LRMDA: variants seen among roughly 807,000 people sequenced by gnomAD.
LRMDA encodes leucine-rich melanocyte differentiation-associated protein.
In LRMDA, 18 loss-of-function variants were observed where a neutral mutation model predicts 29.8. The ratio of observed to expected loss-of-function variants is 0.60; its 90% confidence interval spans 0.42 to 0.90. The LOEUF (loss-of-function observed/expected upper bound fraction) is 0.90, where lower values mean the gene tolerates loss of function less well. LRMDA is among the 40% of genes least tolerant of loss of function. LRMDA has a pLI of 0.00. For missense variants in LRMDA, 273 were observed against 273.9 expected (o/e 1.00, Z 0.02); for synonymous variants, 125 against 109.4 (o/e 1.14, Z -0.89).
At chr10:76,184,817 G>C (rs1851119264) in intron 5 of LRMDA, among the ~76,000 whole-genome samples, 1 of 152,172 alleles carries the variant, frequency 6.6e-6, no homozygotes, top group Admixed American at 6.5e-5. Flanking sequence ...CTTCATGATG[G>C]ATGGTGCTTA....
chr10:75,948,545 A>G (rs1846517791), intron 2 of LRMDA, among the ~76,000 whole-genome samples: 1 of 152,200 alleles, frequency 6.6e-6, no homozygotes, highest in South Asian at 2.1e-4. Context: ...TGTTACGTCC[A>G]TCAGGAAACA....
intron 2 of LRMDA, among the ~76,000 whole-genome samples, chr10:75,819,113 G>A (rs1484643008): frequency 6.6e-6 from 1 of 152,144 alleles, no homozygotes; most frequent in African/African-American, 2.4e-5. Flanking sequence ...ATGTCTTGAT[G>A]GCTTTTTATT....
At chr10:75,498,454 G>A (rs1320745621) in intron 2 of LRMDA, among the ~76,000 whole-genome samples, 1 of 152,182 alleles carries the variant, frequency 6.6e-6, no homozygotes. Context: ...CGACGTGTGT[G>A]TGTGCACGAG....
At chr10:76,481,034 C>T (rs781050498) in intron 6 of LRMDA, among the ~76,000 whole-genome samples, 2 of 151,836 alleles carry the variant, frequency 1.3e-5, no homozygotes, top group Non-Finnish European at 2.9e-5. Context: ...AATTCAGAAG[C>T]ACTTATTTGT....
rs757438494 is a variant in LRMDA at position 76,405,465 on chromosome 10, T to C, written c.601+80980T>C. 4.2e-4 allele frequency among the ~76,000 whole-genome samples: 64 copies of C among 152,208 alleles called. 1 individual carries two copies. Among genetic ancestry groups the C allele is most frequent in the Non-Finnish European group, 1.6e-4 (11 of 68,026 alleles). Reference sequence around the variant, plus strand: ...AGCTGGGGAGAAGCAAATGCAGCCCTGCCAGGAACAGTGCGCTGCTGTTTA... The same window carrying C: ...AGCTGGGGAGAAGCAAATGCAGCCCCGCCAGGAACAGTGCGCTGCTGTTTA... On this transcript the variant is annotated intron_variant, in intron 6 of 6. Coordinates refer to ENST00000611255, the MANE Select transcript of LRMDA (RefSeq NM_001305581.2).
chr10:76,378,914 T>C (rs1180101635), intron 6 of LRMDA, among the ~76,000 whole-genome samples: 2 of 144,086 alleles, frequency 1.4e-5, no homozygotes, highest in African/African-American at 2.6e-5. Flanking sequence ...TGGAGTGCAG[T>C]GGCGCCATTT....
chr10:76,427,923 T>G (rs898603898), intron 6 of LRMDA, among the ~76,000 whole-genome samples: 1 of 152,212 alleles, frequency 6.6e-6, no homozygotes, highest in African/African-American at 2.4e-5. Context: ...TTTGCATATG[T>G]TGAACCAGCC....
chr10:75,923,390 C>T (rs931148918), intron 2 of LRMDA, among the ~76,000 whole-genome samples: 9 of 152,082 alleles, frequency 5.9e-5, no homozygotes, highest in African/African-American at 2.2e-4. Context: ...GATGGGTACC[C>T]TCAAAATCAG....
At chr10:75,628,602 A>G (rs1841281474) in intron 2 of LRMDA, among the ~76,000 whole-genome samples, 1 of 152,204 alleles carries the variant, frequency 6.6e-6, no homozygotes, top group Non-Finnish European at 1.5e-5. Context: ...TATCGAAACA[A>G]TTCAGTCATT....
chr10:76,132,955 A>G lies in LRMDA; in HGVS notation c.516+74172A>G, dbSNP rs559321389. ...GTAGCTGGGACTACAGGCATCCACC[A>G]CCACGCCCGGCTTTTTTTTTTTTTT... On this transcript the variant is annotated intron_variant, in intron 5 of 6. Coordinates refer to ENST00000611255, the MANE Select transcript of LRMDA (RefSeq NM_001305581.2). 1.8e-3 allele frequency among the ~76,000 whole-genome samples: 208 copies of G among 113,226 alleles called. 1 individual carries two copies. The highest frequency in any genetic ancestry group is 2.6e-3 in the Non-Finnish European group (147 of 57,454). The allele number at this position is 113,226 out of a possible 152,430, so 74.3% of individuals were successfully genotyped here.
intron 6 of LRMDA, among the ~76,000 whole-genome samples, chr10:76,444,466 G>T (rs948708608): frequency 6.6e-6 from 1 of 152,168 alleles, no homozygotes. Flanking sequence ...AAGAGAATTC[G>T]ATACTGGGTT....
chr10:76,375,137 G>T (rs1841500782), intron 6 of LRMDA, among the ~76,000 whole-genome samples: 1 of 152,042 alleles, frequency 6.6e-6, no homozygotes, highest in Non-Finnish European at 1.5e-5. Context: ...AAAAAAATGG[G>T]ATTTGCTTAC....
At chr10:76,148,400 C>G (rs1019240467) in intron 5 of LRMDA, among the ~76,000 whole-genome samples, 7 of 152,110 alleles carry the variant, frequency 4.6e-5, no homozygotes, top group African/African-American at 1.7e-4. Flanking sequence ...GGCGGGAACC[C>G]CTCCCCCAAC....
chr10:75,812,350 C>T (rs1843979208), intron 2 of LRMDA, among the ~76,000 whole-genome samples: 1 of 151,976 alleles, frequency 6.6e-6, no homozygotes, highest in South Asian at 2.1e-4. Context: ...AGTTAGCAGC[C>T]TGGTATAAAT....
chr10:76,463,639 C>T (rs192015135), intron 6 of LRMDA, among the ~76,000 whole-genome samples: 79 of 151,898 alleles, frequency 5.2e-4, no homozygotes, highest in South Asian at 1.5e-3. Flanking sequence ...GGATGTTGGG[C>T]GGTGGCAGGG....
intron 2 of LRMDA, among the ~76,000 whole-genome samples, chr10:75,785,044 G>A (rs564377117): frequency 6.6e-6 from 1 of 152,330 alleles, no homozygotes; most frequent in South Asian, 2.1e-4. Flanking sequence ...GCTTGTGGGC[G>A]TGTGGCATGG....
chr10:75,574,735 G>C (rs1314226402), intron 2 of LRMDA, among the ~76,000 whole-genome samples: 1 of 152,108 alleles, frequency 6.6e-6, no homozygotes, highest in Non-Finnish European at 1.5e-5. Context: ...ATGCACTGAT[G>C]AGTCTTTACC....
intron 2 of LRMDA, among the ~76,000 whole-genome samples, chr10:75,962,239 C>T (rs1846780823): frequency 6.6e-6 from 1 of 152,090 alleles, no homozygotes; most frequent in Admixed American, 6.5e-5. Context: ...GCAGAGTGGC[C>T]CCACAAGCAA....
chr10:76,455,511 G>T (rs1589194601), intron 6 of LRMDA, among the ~76,000 whole-genome samples: 1 of 152,114 alleles, frequency 6.6e-6, no homozygotes, highest in East Asian at 1.9e-4. Context: ...GATGGGCTAG[G>T]ATGAATGTCA....
Sources: allele counts gnomAD v4.1 joint callset (sites outside exome capture counted in the v4.1 genomes callset), GRCh38; gene constraint gnomAD v4.1.1; transcripts MANE v1.5; gene names NCBI Gene and HGNC (gene_info 2026-07-23, HGNC 2026-07-21).